The following USP15 variants were observed in gnomAD, a reference collection of about 807,000 sequenced individuals.
The protein encoded by USP15 is ubiquitin carboxyl-terminal hydrolase 15.
USP15 carries 18 observed loss-of-function variants against 127.1 expected under a neutral mutation model. That is an observed-to-expected ratio of 0.14 (90% CI 0.10 to 0.21). The LOEUF (loss-of-function observed/expected upper bound fraction) is 0.21. Ranked by LOEUF, USP15 falls within the 10% of genes least tolerant of loss-of-function variation. The pLI is 1.00. For missense variants in USP15, 805 were observed against 1,159.9 expected, an observed-to-expected ratio of 0.69 and a Z score of 4.44; for synonymous variants, 364 against 393.7, an observed-to-expected ratio of 0.92 and a Z score of 0.89.
At chr12:62,307,394 G>A (rs1029721390) in intron 3 of USP15, among the ~76,000 whole-genome samples, 2 of 152,112 alleles carry the variant, frequency 1.3e-5, no homozygotes, top group Non-Finnish European at 2.9e-5. Context: ...TTTCATAATC[G>A]TTATGGACCA....
chr12:62,325,200 T>G (rs1293707365), intron 5 of USP15, among the ~76,000 whole-genome samples: 1 of 152,032 alleles, frequency 6.6e-6, no homozygotes, highest in Non-Finnish European at 1.5e-5. Context: ...AAATAAAGTA[T>G]AGCTCTCCCT....
chr12:62,309,936 A>G (rs1326410230), intron 3 of USP15, among the ~76,000 whole-genome samples: 1 of 151,954 alleles, frequency 6.6e-6, no homozygotes, highest in African/African-American at 2.4e-5. Flanking sequence ...GTCAAGAATA[A>G]CTGTGTTAGA....
At position 62,270,798 on chromosome 12, in the gene USP15, C is replaced by A. The variant is rs547017395; in HGVS notation, c.89+10295C>A. Among the ~76,000 whole-genome samples, 45 of 152,044 alleles carry A rather than the reference C, an allele frequency of 3.0e-4. No individual in the cohort carries two copies. The South Asian group carries it at 9.1e-3, about 31-fold the overall frequency. On this transcript the variant is annotated intron_variant, in intron 1 of 21. Transcript: ENST00000280377. The stretch of plus-strand genomic sequence containing the variant: ...CAACAACTTTTCAAGTTTGTTTTGG[C>A]CCTCTTCTCTTATTAGTTTACACTA...
At chr12:62,344,450 T>C (rs1344994900) in intron 6 of USP15, among the ~76,000 whole-genome samples, 1 of 152,186 alleles carries the variant, frequency 6.6e-6, no homozygotes, top group Non-Finnish European at 1.5e-5. Flanking sequence ...CCCTGTGGCT[T>C]TGCAGGGTGT....
At chr12:62,339,978 AC>A (rs1455223401) in intron 6 of USP15, among the ~76,000 whole-genome samples, 1 of 151,928 alleles carries the variant, frequency 6.6e-6, no homozygotes, top group Non-Finnish European at 1.5e-5. Flanking sequence ...TCCTCTTTGT[AC>A]CTCTGGTACA....
At chr12:62,310,318 T>C (rs2064627500) in intron 3 of USP15, among the ~76,000 whole-genome samples, 1 of 151,856 alleles carries the variant, frequency 6.6e-6, no homozygotes, top group Non-Finnish European at 1.5e-5. Context: ...CTACCAAACA[T>C]TGAATTTATT....
chr12:62,354,741 C>G (rs1451053079), intron 7 of USP15, among the ~76,000 whole-genome samples: 1 of 151,802 alleles, frequency 6.6e-6, no homozygotes. Context: ...GATATACTTG[C>G]GTGGAATCAT....
At chr12:62,303,934 A>G (rs532809864) in intron 3 of USP15, among the ~76,000 whole-genome samples, 4 of 152,158 alleles carry the variant, frequency 2.6e-5, no homozygotes, top group African/African-American at 9.6e-5. Flanking sequence ...TAGTTGCTTT[A>G]TCTATAGTTG....
In USP15 at chr12:62,314,849, G is replaced by A; in HGVS notation, c.408G>A (p.Leu136=). The A allele has an allele frequency of 6.3e-7, 1 of 1,599,406 alleles. No individual in the cohort carries two copies. The highest frequency in any genetic ancestry group is 8.5e-7 in the Non-Finnish European group (1 of 1,172,928). ...HCKVEVYLTE[L]KLCENGNMNN... ...AAGTAGAAGTATATCTCACAGAATT[G>A]AAGCTATGTGAAAATGGAAACATGA... Residue 136 remains leucine, a synonymous_variant, in exon 4 of 22, where the codon TTG becomes TTA. Coordinates refer to ENST00000280377, the MANE Select transcript of USP15 (RefSeq NM_001252078.2).
chr12:62,298,806 G>A lies in USP15; in HGVS notation c.218-3984G>A, dbSNP rs960785170. 1.2e-4 allele frequency among the ~76,000 whole-genome samples: 17 copies of A among 146,212 alleles called. 1 individual carries two copies. The highest frequency in any genetic ancestry group is 4.0e-4 in the East Asian group (2 of 4,956). ...ATTGTACCACTGCACTCCAGCATGG[G>A]TGACAGAGTAAGACCCTGTCTTGCA... On this transcript the variant is annotated intron_variant, in intron 2 of 21. Transcript: ENST00000280377.
chr12:62,342,860 A>C (rs2065689757), intron 6 of USP15, among the ~76,000 whole-genome samples: 1 of 152,160 alleles, frequency 6.6e-6, no homozygotes, highest in South Asian at 2.1e-4. Context: ...GGTCTCTCCC[A>C]GGCAGGAGAC....
chr12:62,291,227 T>G (rs765026328), intron 1 of USP15, among the ~76,000 whole-genome samples: 4 of 152,168 alleles, frequency 2.6e-5, no homozygotes, highest in Non-Finnish European at 2.9e-5. Context: ...TCCAGACATT[T>G]TATTGTAGTC....
chr12:62,267,763 T>C (rs2063232767), intron 1 of USP15, among the ~76,000 whole-genome samples: 1 of 152,118 alleles, frequency 6.6e-6, no homozygotes, highest in Non-Finnish European at 1.5e-5. Context: ...CAGGGTATTC[T>C]AAGTTTAGAG....
At chr12:62,347,195 A>T (rs546937802) in intron 6 of USP15, among the ~76,000 whole-genome samples, 1 of 152,200 alleles carries the variant, frequency 6.6e-6, no homozygotes, top group East Asian at 1.9e-4. Flanking sequence ...CTGAAAATAC[A>T]AATTAATTCC....
At chr12:62,285,872 A>G (rs548644058) in intron 1 of USP15, among the ~76,000 whole-genome samples, 13 of 152,216 alleles carry the variant, frequency 8.5e-5, no homozygotes, top group Non-Finnish European at 1.8e-4. Context: ...ACTGTTTTCC[A>G]TAAAGGTTGT....
chr12:62,348,296 T>C (rs2065875858), intron 6 of USP15, among the ~76,000 whole-genome samples: 1 of 152,238 alleles, frequency 6.6e-6, no homozygotes, highest in Admixed American at 6.5e-5. Context: ...GCATAATGCA[T>C]TGTAGATATA....
chr12:62,330,757 CAAA>C (rs201549202), intron 6 of USP15, among the ~76,000 whole-genome samples: 1 of 123,222 alleles, frequency 8.1e-6, no homozygotes, highest in African/African-American at 3.0e-5. Context: ...CCCGTCTCTA[CAAA>C]AAAAAAAAAA....
chr12:62,304,298 T>C (rs1472127605), intron 3 of USP15, among the ~76,000 whole-genome samples: 1 of 152,226 alleles, frequency 6.6e-6, no homozygotes, highest in Non-Finnish European at 1.5e-5. Context: ...GACCACATAC[T>C]TATTTTTAAC....
intron 3 of USP15, among the ~76,000 whole-genome samples, chr12:62,313,634 G>A (rs985118162): frequency 6.6e-6 from 1 of 151,706 alleles, no homozygotes; most frequent in African/African-American, 2.4e-5. Flanking sequence ...TTGTAACCAT[G>A]AAGTAAATCA....
Sources: allele counts gnomAD v4.1 joint callset (sites outside exome capture counted in the v4.1 genomes callset), GRCh38; gene constraint gnomAD v4.1.1; transcripts MANE v1.5; gene names NCBI Gene and HGNC (gene_info 2026-07-23, HGNC 2026-07-21).